PTAFR: variants seen among roughly 807,000 people sequenced by gnomAD.
The protein encoded by PTAFR is platelet-activating factor receptor.
A neutral mutation model predicts 14.7 loss-of-function variants in PTAFR; 8 were observed. The ratio of observed to expected loss-of-function variants is 0.54; its 90% CI spans 0.32 to 0.98. The LOEUF (loss-of-function observed/expected upper bound fraction) is 0.98, where lower values mean the gene tolerates loss of function less well. PTAFR is among the 50% of genes least tolerant of loss of function. PTAFR has a pLI of 0.04. For synonymous variants in PTAFR, 156 were observed against 176.5 expected (o/e 0.88, Z 0.92); for missense variants, 337 against 451.2 (o/e 0.75, Z 2.29).
chr1:28,185,651 A>G (rs1293725695), intron 1 of PTAFR, among the ~76,000 whole-genome samples: 6 of 152,244 alleles, frequency 3.9e-5, no homozygotes, highest in Non-Finnish European at 8.8e-5. Flanking sequence ...GAATAATCAT[A>G]TAGGAATAAT....
chr1:28,162,843 A>T (rs1646339659), intron 1 of PTAFR, among the ~76,000 whole-genome samples: 1 of 151,320 alleles, frequency 6.6e-6, no homozygotes, highest in South Asian at 2.1e-4. Flanking sequence ...AAAAAAAAAA[A>T]AAAAAAAAAG....
Position 28,164,355 on chromosome 1 carries a change from C to T in PTAFR, c.-39+12237G>A, listed in dbSNP as rs149441055. Among the ~76,000 whole-genome samples the T allele has an allele frequency of 4.9e-4, 74 of 152,300 alleles. No individual in the cohort carries two copies. The East Asian group carries it at 0.013, about 26-fold the overall frequency. ...CTGCACCAGCAGTTCCTTGCAGCCC[C>T]GCAGGCCTGAGGGTGCATTCACCAA... On this transcript the variant is annotated intron_variant, in intron 1 of 1. Transcript: ENST00000373857.
chr1:28,179,013 A>C (rs1646541744), upstream of PTAFR, among the ~76,000 whole-genome samples: 1 of 152,114 alleles, frequency 6.6e-6, no homozygotes, highest in African/African-American at 2.4e-5. Flanking sequence ...AAAAAAGAAA[A>C]GAAACAGGCT....
intron 1 of PTAFR, among the ~76,000 whole-genome samples, chr1:28,156,669 A>T (rs1646266727): frequency 6.6e-6 from 1 of 152,210 alleles, no homozygotes; most frequent in African/African-American, 2.4e-5. Context: ...CACCCTCAAT[A>T]ATCTTTAAGG....
At chr1:28,175,178 C>T (rs186923860) in intron 1 of PTAFR, among the ~76,000 whole-genome samples, 4 of 152,254 alleles carry the variant, frequency 2.6e-5, no homozygotes, top group Admixed American at 1.3e-4. Context: ...TCCTAAAGTG[C>T]TGGGATTACA....
At chr1:28,157,924 C>T (rs1646284265) in intron 1 of PTAFR, among the ~76,000 whole-genome samples, 1 of 152,178 alleles carries the variant, frequency 6.6e-6, no homozygotes, top group South Asian at 2.1e-4. Context: ...GCCACCACGC[C>T]TGGCAATTTT....
At chr1:28,163,184 T>C (rs190118731) in intron 1 of PTAFR, among the ~76,000 whole-genome samples, 2 of 152,308 alleles carry the variant, frequency 1.3e-5, no homozygotes, top group East Asian at 3.9e-4. Context: ...AAAAAGCACT[T>C]CCTCTGGGAT....
intron 1 of PTAFR, among the ~76,000 whole-genome samples, chr1:28,161,952 T>C (rs182320418): frequency 6.6e-6 from 1 of 152,234 alleles, no homozygotes; most frequent in African/African-American, 2.4e-5. Flanking sequence ...AAAGGGCCTG[T>C]AATGGGAATA....
intron 1 of PTAFR, among the ~76,000 whole-genome samples, chr1:28,187,429 A>G (rs1553166493): frequency 6.6e-6 from 1 of 152,258 alleles, no homozygotes; most frequent in Non-Finnish European, 1.5e-5. Context: ...CAAATGGAAT[A>G]ACAACCCACG....
In PTAFR at chr1:28,150,185, G is replaced by A; in HGVS notation, c.837C>T (p.Leu279=). ...QAINDAHQVT[L]CLLSTNCVLD... is the part of the protein sequence containing the mutation. ...AGACACAGTTGGTGCTAAGGAGGCAGAGGGTGACCTGATGTGCATCATTAA... is the reference window on the plus strand; with the variant it reads ...AGACACAGTTGGTGCTAAGGAGGCAAAGGGTGACCTGATGTGCATCATTAA... Residue 279 remains leucine, a synonymous_variant, in exon 2 of 2, where the codon CTC becomes CTT. Transcript: ENST00000373857. This position sits in a 1 kb window ranked among gnomAD's most constrained non-coding sequence, Gnocchi z 6.3. The A allele has an allele frequency of 6.2e-7, 1 of 1,614,228 alleles. No individual in the cohort carries two copies. Among genetic ancestry groups the A allele is most frequent in the Non-Finnish European group, 8.5e-7 (1 of 1,180,030 alleles).
intron 1 of PTAFR, among the ~76,000 whole-genome samples, chr1:28,151,307 G>A: frequency 6.6e-6 from 1 of 152,024 alleles, no homozygotes; most frequent in African/African-American, 2.4e-5. Flanking sequence ...AGCCTCCCAA[G>A]TAGCTGGGAT....
chr1:28,154,081 G>GAAAAAA (rs71586829), intron 1 of PTAFR, among the ~76,000 whole-genome samples: 5 of 55,516 alleles, frequency 9.0e-5, no homozygotes, highest in Admixed American at 2.4e-4. Context: ...CCTTGTCTCA[G>GAAAAAA]AAAAAAAAAA....
intron 1 of PTAFR, among the ~76,000 whole-genome samples, chr1:28,184,867 T>C (rs1175010148): frequency 6.6e-6 from 1 of 152,130 alleles, no homozygotes; most frequent in Non-Finnish European, 1.5e-5. Flanking sequence ...CTCGAACTCA[T>C]GACCTCAAGT....
At chr1:28,189,856 G>C (rs768061895) in intron 1 of PTAFR, among the ~76,000 whole-genome samples, 8 of 151,942 alleles carry the variant, frequency 5.3e-5, no homozygotes, top group Non-Finnish European at 8.8e-5. Flanking sequence ...TGTAGAGACA[G>C]GGTTTCACCA....
At chr1:28,162,033 G>A (rs418722) in intron 1 of PTAFR, among the ~76,000 whole-genome samples, 1 of 152,170 alleles carries the variant, frequency 6.6e-6, no homozygotes, top group Non-Finnish European at 1.5e-5. Flanking sequence ...TGAGAAATGG[G>A]AAGAGTGGGA....
intron 1 of PTAFR, among the ~76,000 whole-genome samples, chr1:28,152,864 C>T (rs1646210437): frequency 1.3e-5 from 2 of 152,154 alleles, no homozygotes; most frequent in Non-Finnish European, 2.9e-5. Flanking sequence ...GAAGGATACA[C>T]CTCAAATAGT....
At chr1:28,157,992 A>G (rs969630522) in intron 1 of PTAFR, among the ~76,000 whole-genome samples, 1 of 152,066 alleles carries the variant, frequency 6.6e-6, no homozygotes. Flanking sequence ...GACTAGCCCA[A>G]TTCACTCATT....
chr1:28,177,303 C>G (rs905765541), upstream of PTAFR: 2 of 152,342 alleles, frequency 1.3e-5, no homozygotes, highest in African/African-American at 4.8e-5. Flanking sequence ...AAGAGAGGAG[C>G]TCGGAAGAGC....
chr1:28,177,881 G>A (rs1375575672), upstream of PTAFR, among the ~76,000 whole-genome samples: 1 of 152,004 alleles, frequency 6.6e-6, no homozygotes, highest in Non-Finnish European at 1.5e-5. Context: ...GTGAGCTGGT[G>A]GGGGCATCCC....
Sources: allele counts gnomAD v4.1 joint callset (sites outside exome capture counted in the v4.1 genomes callset), GRCh38; gene constraint gnomAD v4.1.1; non-coding constraint Gnocchi (gnomAD v3.1); transcripts MANE v1.5; gene names NCBI Gene and HGNC (gene_info 2026-07-23, HGNC 2026-07-21).